Variants in CYP2C18 observed in about 807,000 individuals in gnomAD.
The protein encoded by CYP2C18 is cytochrome P450 family 2 subfamily C member 18, also known as cytochrome P450 2C18.
A neutral mutation model predicts 41.3 loss-of-function variants in CYP2C18; 38 were observed. That is an observed-to-expected ratio of 0.92 (90% CI 0.71 to 1.21). The LOEUF (loss-of-function observed/expected upper bound fraction) is 1.21. CYP2C18 is among the 50% of genes most tolerant of loss of function. The pLI is 0.00. For synonymous variants in CYP2C18, 236 were observed against 210.0 expected (o/e 1.12, Z -1.07); for missense variants, 635 against 591.4 (o/e 1.07, Z -0.77).
intron 3 of CYP2C18, among the ~76,000 whole-genome samples, chr10:94,691,414 C>T (rs1846996547): frequency 6.6e-6 from 1 of 152,054 alleles, no homozygotes. Flanking sequence ...GAGTGAACTC[C>T]CATTCACAAT....
chr10:94,687,987 T>C lies in CYP2C18; in HGVS notation c.331+55T>C, dbSNP rs927024733. 4 of 1,600,496 alleles carry C rather than the reference T, an allele frequency of 2.5e-6. No homozygotes were observed. In the African/African-American group the frequency reaches 4.0e-5, roughly 16 times the overall value. On this transcript the variant is annotated intron_variant, in intron 2 of 8. Transcript: ENST00000285979. ...ACATGTGTATGTACTGGGCAGTGGC[T>C]ATAGGGATGGGGAGGATGGAAAACA...
At chr10:94,694,616 T>C (rs918206368) in intron 3 of CYP2C18, among the ~76,000 whole-genome samples, 4 of 152,198 alleles carry the variant, frequency 2.6e-5, no homozygotes, top group African/African-American at 9.7e-5. Context: ...GTGGCCTCTT[T>C]AATTTTTTTT....
intron 5 of CYP2C18, among the ~76,000 whole-genome samples, chr10:94,714,729 C>G (rs898641287): frequency 1.3e-5 from 2 of 152,096 alleles, no homozygotes; most frequent in African/African-American, 2.4e-5. Context: ...TCATTGGTAG[C>G]TTGATGGGGA....
intron 7 of CYP2C18, among the ~76,000 whole-genome samples, chr10:94,726,192 T>G (rs1352745129): frequency 7.4e-6 from 1 of 134,322 alleles, no homozygotes; most frequent in African/African-American, 3.1e-5. Flanking sequence ...CAAAAAAAAT[T>G]TTTTTTCAAT....
chr10:94,721,341 A>G (rs1200060860), intron 6 of CYP2C18, among the ~76,000 whole-genome samples: 1 of 152,086 alleles, frequency 6.6e-6, no homozygotes, highest in Non-Finnish European at 1.5e-5. Flanking sequence ...ATCTTCCCTT[A>G]TTCTGAAAAT....
intron 7 of CYP2C18, among the ~76,000 whole-genome samples, chr10:94,731,775 A>G (rs537674375): frequency 5.3e-5 from 8 of 152,174 alleles, no homozygotes; most frequent in Non-Finnish European, 1.2e-4. Flanking sequence ...ATGCAGAATG[A>G]AACTGGACCC....
intron 1 of CYP2C18, among the ~76,000 whole-genome samples, chr10:94,685,032 A>C (rs1225737595): frequency 1.3e-5 from 2 of 149,932 alleles, no homozygotes; most frequent in East Asian, 3.9e-4. Context: ...CATTTAATTA[A>C]TTAATTAATT....
At chr10:94,732,147 G>A (rs1222101954) in intron 7 of CYP2C18, among the ~76,000 whole-genome samples, 1 of 151,940 alleles carries the variant, frequency 6.6e-6, no homozygotes, top group Non-Finnish European at 1.5e-5. Flanking sequence ...AACAAATAAT[G>A]CCATTAAAAA....
intron 7 of CYP2C18, among the ~76,000 whole-genome samples, chr10:94,726,190 AT>A (rs199722687): frequency 0.018 from 2,555 of 141,650 alleles, 81 homozygotes; most frequent in African/African-American, 0.06. Context: ...GTCAAAAAAA[AT>A]TTTTTTTCAA....
intron 4 of CYP2C18, among the ~76,000 whole-genome samples, chr10:94,695,970 A>G (rs1390617572): frequency 6.6e-5 from 10 of 152,148 alleles, no homozygotes. Context: ...TGAGTAGGTA[A>G]ACAAAGTGGC....
chr10:94,724,775 A>G (rs1385085488), intron 7 of CYP2C18, among the ~76,000 whole-genome samples: 1 of 2,368 alleles, frequency 4.2e-4, no homozygotes, highest in African/African-American at 6.6e-4. Context: ...TTTTGTGGCT[A>G]TTCTCAGGTT....
intron 3 of CYP2C18, among the ~76,000 whole-genome samples, chr10:94,693,614 C>G (rs1247539029): frequency 2.0e-5 from 3 of 152,108 alleles, no homozygotes; most frequent in African/African-American, 4.8e-5. Flanking sequence ...ACAGAAATCT[C>G]TAACTAATAA....
At chr10:94,711,259 T>G (rs1290311169) in intron 5 of CYP2C18, among the ~76,000 whole-genome samples, 6 of 152,194 alleles carry the variant, frequency 3.9e-5, no homozygotes, top group Admixed American at 2.6e-4. Context: ...TCAAGTTGAC[T>G]ATTACCTCAC....
intron 8 of CYP2C18, among the ~76,000 whole-genome samples, chr10:94,734,217 A>G (rs1488795006): frequency 6.6e-6 from 1 of 152,146 alleles, no homozygotes; most frequent in Non-Finnish European, 1.5e-5. Context: ...CAATAATTCC[A>G]GAGCACCTTG....
In CYP2C18 at chr10:94,694,925, T is replaced by G; in HGVS notation, c.490T>G (p.Cys164Gly). The stretch of plus-strand genomic sequence containing the variant: ...TATTTCCAATCCTTTAGCCTCACCC[T>G]GTGATCCCACTTTCATCCTGGGCTG... ...EELRKTNASP[C>G]DPTFILGCAP... Residue 164 changes from cysteine (C) to glycine (G), a missense_variant, in exon 4 of 9, where the codon TGT becomes GGT. By Grantham distance (159) the Cys-to-Gly change is radical. Transcript: ENST00000285979. The G allele has an allele frequency of 6.2e-7, 1 of 1,612,084 alleles. No individual in the cohort carries two copies. Among genetic ancestry groups the G allele is most frequent in the South Asian group, 1.1e-5 (1 of 90,880 alleles).
intron 4 of CYP2C18, among the ~76,000 whole-genome samples, chr10:94,698,240 T>A (rs940454067): frequency 6.6e-6 from 1 of 152,150 alleles, no homozygotes; most frequent in African/African-American, 2.4e-5. Flanking sequence ...AGTAAAGCAC[T>A]CCTCAGCAAA....
intron 3 of CYP2C18, 70 bp from the exon 4 acceptor site, chr10:94,694,847 T>C: frequency 2.0e-6 from 3 of 1,514,956 alleles, no homozygotes; most frequent in Non-Finnish European, 9.0e-7. Context: ...AAATACTTTT[T>C]CCTGTATCAA....
At chr10:94,708,362 G>C (rs7085890) in intron 5 of CYP2C18, among the ~76,000 whole-genome samples, 26,846 of 152,028 alleles carry the variant, frequency 0.18, 2,614 homozygotes, top group South Asian at 0.33. Context: ...GACACTGCCA[G>C]AAAAATGACA....
chr10:94,697,484 T>C (rs1017451983), intron 4 of CYP2C18, among the ~76,000 whole-genome samples: 1 of 152,126 alleles, frequency 6.6e-6, no homozygotes, highest in Non-Finnish European at 1.5e-5. Context: ...AAGGAAGCAC[T>C]AAACATGGAA....
Sources: gnomAD v4.1 joint callset for allele counts (sites outside exome capture counted in the v4.1 genomes callset) on GRCh38, gnomAD v4.1.1 for gene constraint, MANE v1.5 for transcripts, NCBI Gene and HGNC (gene_info 2026-07-23, HGNC 2026-07-21) for gene names.